The following EPHA3 variants were observed in gnomAD, a reference collection of about 807,000 sequenced individuals.
The protein encoded by EPHA3 is EPH receptor A3.
A neutral mutation model predicts 107.1 loss-of-function variants in EPHA3; 42 were observed. That is an observed-to-expected ratio of 0.39 (90% CI 0.31 to 0.51). The LOEUF (loss-of-function observed/expected upper bound fraction) is 0.51. Ranked by LOEUF, EPHA3 falls within the 20% of genes least tolerant of loss-of-function variation. The pLI is 0.78. For synonymous variants in EPHA3, 461 were observed against 424.8 expected (o/e 1.09, Z -1.05); for missense variants, 1,183 against 1,211.2 (o/e 0.98, Z 0.35).
At chr3:89,410,580 G>C (rs1016680911) in intron 9 of EPHA3, among the ~76,000 whole-genome samples, 32 of 151,990 alleles carry the variant, frequency 2.1e-4, no homozygotes, top group African/African-American at 7.7e-4. Context: ...CCTTGAAAAA[G>C]ATTGCTAGAT....
intron 5 of EPHA3, among the ~76,000 whole-genome samples, chr3:89,377,264 C>T (rs1708419940): frequency 6.6e-6 from 1 of 152,092 alleles, no homozygotes; most frequent in Middle Eastern, 3.4e-3. Context: ...TGTGTAATTG[C>T]CTGTGCATCA....
chr3:89,219,921 G>C (rs1219910973), intron 3 of EPHA3, among the ~76,000 whole-genome samples: 2 of 148,794 alleles, frequency 1.3e-5, no homozygotes. Flanking sequence ...TTTTAGCCGG[G>C]ATGGTCTCGA....
At chr3:89,270,869 T>C (rs958528996) in intron 3 of EPHA3, among the ~76,000 whole-genome samples, 5 of 151,962 alleles carry the variant, frequency 3.3e-5, no homozygotes, top group African/African-American at 9.7e-5. Context: ...ATTAAGAAAA[T>C]CATAAGGAAG....
intron 2 of EPHA3, among the ~76,000 whole-genome samples, chr3:89,158,521 C>T (rs967061883): frequency 4.6e-5 from 7 of 152,020 alleles, no homozygotes; most frequent in African/African-American, 1.7e-4. Context: ...TGTATTATTA[C>T]AAAAAATGTT....
rs190984482 is a variant in EPHA3 at position 89,177,065 on chromosome 3, G to T, written c.154-32795G>T. ...ACTTATATGTAGCATAGCATAAAGG[G>T]TTCACTCTGCGTGTGTGTGTGTGTG... On this transcript the variant is annotated intron_variant, in intron 2 of 16. Coordinates refer to ENST00000336596, the MANE Select transcript of EPHA3 (RefSeq NM_005233.6). Among the ~76,000 whole-genome samples the T allele has an allele frequency of 4.3e-3, 660 of 151,920 alleles. 8 individuals are homozygous for T. The highest frequency in any genetic ancestry group is 4.3e-3 in the Non-Finnish European group (289 of 67,920).
chr3:89,157,370 C>G (rs1704830153), intron 2 of EPHA3, among the ~76,000 whole-genome samples: 1 of 151,990 alleles, frequency 6.6e-6, no homozygotes, highest in African/African-American at 2.4e-5. Flanking sequence ...CCTTTATTAA[C>G]AGGCACCCCT....
chr3:89,335,708 ATCT>A (rs965095614), intron 3 of EPHA3, among the ~76,000 whole-genome samples: 3 of 152,190 alleles, frequency 2.0e-5, no homozygotes, highest in Admixed American at 6.5e-5. Context: ...TAGTTTAAAA[ATCT>A]TCTTACAAAA....
intron 3 of EPHA3, among the ~76,000 whole-genome samples, chr3:89,227,770 C>T (rs1405193613): frequency 1.3e-5 from 2 of 151,724 alleles, no homozygotes; most frequent in South Asian, 2.1e-4. Context: ...TAAGGATATC[C>T]TAGAACATGA....
At chr3:89,183,442 T>C (rs1705489434) in intron 2 of EPHA3, among the ~76,000 whole-genome samples, 2 of 151,834 alleles carry the variant, frequency 1.3e-5, no homozygotes. Flanking sequence ...TCCTACCAAA[T>C]ACCCAAAGAT....
intron 5 of EPHA3, among the ~76,000 whole-genome samples, chr3:89,376,636 G>A (rs1237387491): frequency 6.6e-5 from 10 of 151,906 alleles, no homozygotes; most frequent in African/African-American, 2.4e-4. Flanking sequence ...TATAAACAAA[G>A]TCTCCTCTAT....
chr3:89,403,361 T>A (rs1042654630), intron 7 of EPHA3, among the ~76,000 whole-genome samples: 2 of 152,148 alleles, frequency 1.3e-5, no homozygotes, highest in Admixed American at 1.3e-4. Context: ...CAGATACTAT[T>A]GTATCCTTTT....
At chr3:89,470,944 C>T (rs974512767) in intron 15 of EPHA3, among the ~76,000 whole-genome samples, 3 of 152,110 alleles carry the variant, frequency 2.0e-5, no homozygotes, top group African/African-American at 7.2e-5. Flanking sequence ...TAGCATGATG[C>T]CTGCCACATT....
At chr3:89,167,324 TATA>T (rs898211941) in intron 2 of EPHA3, among the ~76,000 whole-genome samples, 11 of 152,270 alleles carry the variant, frequency 7.2e-5, no homozygotes, top group African/African-American at 2.6e-4. Context: ...TCAAAGGACA[TATA>T]ATTTAAAATA....
chr3:89,299,782 C>A (rs1330558647), intron 3 of EPHA3, among the ~76,000 whole-genome samples: 1 of 151,858 alleles, frequency 6.6e-6, no homozygotes, highest in Admixed American at 6.6e-5. Flanking sequence ...ATGTATTGGG[C>A]AGGAGTTTGT....
chr3:89,239,522 G>C (rs1160077116), intron 3 of EPHA3, among the ~76,000 whole-genome samples: 4 of 152,060 alleles, frequency 2.6e-5, no homozygotes, highest in African/African-American at 9.7e-5. Flanking sequence ...CACTATTTGT[G>C]CAGTATATAT....
rs139627729 is a variant in EPHA3 at position 89,177,075 on chromosome 3, CGT to C, written c.154-32769_154-32768del. ...AGCATAGCATAAAGGGTTCACTCTGCGTGTGTGTGTGTGTGTGCACGTGTGTA... is the reference window on the plus strand; with the variant it reads ...AGCATAGCATAAAGGGTTCACTCTGCGTGTGTGTGTGTGTGCACGTGTGTA... On this transcript the variant is annotated intron_variant, in intron 2 of 16. Transcript: ENST00000336596. 4.4e-3 allele frequency among the ~76,000 whole-genome samples: 654 copies of C among 149,824 alleles called. 4 individuals are homozygous for C. The highest frequency in any genetic ancestry group is 5.4e-3 in the Non-Finnish European group (360 of 67,216).
chr3:89,149,372 T>C (rs1704639646), intron 2 of EPHA3, among the ~76,000 whole-genome samples: 2 of 152,098 alleles, frequency 1.3e-5, no homozygotes, highest in Non-Finnish European at 2.9e-5. Context: ...AGAAAACCAT[T>C]GAAATAAGAC....
At chr3:89,397,005 T>G (rs1473622285) in intron 6 of EPHA3, among the ~76,000 whole-genome samples, 1 of 152,214 alleles carries the variant, frequency 6.6e-6, no homozygotes, top group African/African-American at 2.4e-5. Flanking sequence ...TAGTAGGTTT[T>G]TCCCTATATC....
rs2106932773 is a variant in EPHA3, at chr3:89,107,832, T to A, written c.84T>A (p.Asn28Lys). 2 of 1,614,038 alleles carry A rather than the reference T, an allele frequency of 1.2e-6. No homozygotes were observed. Among genetic ancestry groups the A allele is most frequent in the East Asian group, 2.2e-5 (1 of 44,856 alleles). The change falls in exon 1 of 17, where the codon AAT (asparagine) becomes AAA (lysine). Residue 28 changes from asparagine to lysine, a missense_variant. Physicochemically the swap from Asn to Lys is moderately conservative, Grantham distance 94. Transcript: ENST00000336596. Reference protein sequence around the residue: ...SFGELIPQPSNEVNLLDSKTI... With the variant: ...SFGELIPQPSKEVNLLDSKTI... ...GGGAACTGATTCCGCAGCCTTCCAA[T>A]GAAGGTAAGCCAGGTACCGCGACGC...
Sources: gnomAD v4.1 joint callset for allele counts (sites outside exome capture counted in the v4.1 genomes callset) on GRCh38, gnomAD v4.1.1 for gene constraint, MANE v1.5 for transcripts, NCBI Gene and HGNC (gene_info 2026-07-23, HGNC 2026-07-21) for gene names.